The following PGAP4 variants were observed in gnomAD, a reference collection of about 807,000 sequenced individuals.
PGAP4 encodes the protein post-GPI attachment to proteins GalNAc transferase 4.
A neutral mutation model predicts 28.2 loss-of-function variants in PGAP4; 12 were observed. The ratio of observed to expected loss-of-function variants is 0.42; its 90% confidence interval spans 0.27 to 0.69. PGAP4 has a LOEUF of 0.69. Ranked by LOEUF, PGAP4 falls within the 30% of genes least tolerant of loss-of-function variation. PGAP4 has a pLI of 0.22. For missense variants in PGAP4, 425 were observed against 513.5 expected (o/e 0.83, Z 1.67); for synonymous variants, 205 against 211.8 (o/e 0.97, Z 0.28).
chr9:101,512,909 G>A lies in PGAP4; in HGVS notation c.-165+18439C>T, dbSNP rs564438460. ...GAGTGTTTCCCAGCTATTCTCTAAG[G>A]TTTCACAAATTGACTCACCTTTTTA... On this transcript the variant is annotated intron_variant, in intron 2 of 3. Coordinates refer to the PGAP4 transcript ENST00000374851. Among the ~76,000 whole-genome samples the A allele has an allele frequency of 8.7e-4, 132 of 152,122 alleles. 1 individual carries two copies. In the Middle Eastern group the frequency reaches 0.031, roughly 35 times the overall value.
chr9:101,525,699 CAAAAAAAAAA>C (rs397893277), intron 2 of PGAP4, among the ~76,000 whole-genome samples: 1 of 61,408 alleles, frequency 1.6e-5, no homozygotes, highest in South Asian at 6.0e-4. Context: ...CAGAGCGTCT[CAAAAAAAAAA>C]AAAAAAAAAA....
chr9:101,492,348 A>G (rs533098337), intron 2 of PGAP4, among the ~76,000 whole-genome samples: 1 of 152,058 alleles, frequency 6.6e-6, no homozygotes, highest in East Asian at 1.9e-4. Flanking sequence ...GCATACCACC[A>G]TGCTCAGCTA....
chr9:101,497,215 T>G (rs889466854), intron 2 of PGAP4, among the ~76,000 whole-genome samples: 3 of 151,500 alleles, frequency 2.0e-5, no homozygotes, highest in African/African-American at 2.4e-5. Context: ...AAAGTTTATT[T>G]ATAAGCATTT....
upstream of PGAP4, among the ~76,000 whole-genome samples, chr9:101,488,784 G>C (rs545115395): frequency 6.6e-6 from 1 of 152,220 alleles, no homozygotes; most frequent in East Asian, 1.9e-4. Context: ...GAAATGCTCA[G>C]TACCTACATG....
chr9:101,499,859 G>T (rs759402820), intron 2 of PGAP4, among the ~76,000 whole-genome samples: 7 of 151,926 alleles, frequency 4.6e-5, no homozygotes, highest in Non-Finnish European at 1.0e-4. Context: ...ACTTGCAGAC[G>T]CAATGTTCCT....
intron 2 of PGAP4, among the ~76,000 whole-genome samples, chr9:101,526,730 T>C (rs1285201255): frequency 6.6e-6 from 1 of 152,244 alleles, no homozygotes; most frequent in East Asian, 1.9e-4. Flanking sequence ...ATTACAGGCA[T>C]GAGCCACTGC....
At chr9:101,526,475 C>T (rs898856410) in intron 2 of PGAP4, among the ~76,000 whole-genome samples, 4 of 151,990 alleles carry the variant, frequency 2.6e-5, no homozygotes, top group Non-Finnish European at 5.9e-5. Flanking sequence ...TTTGGGATGG[C>T]GTCTGACTCT....
intron 2 of PGAP4, among the ~76,000 whole-genome samples, chr9:101,502,984 G>T (rs1826816572): frequency 6.6e-6 from 1 of 152,014 alleles, no homozygotes; most frequent in Non-Finnish European, 1.5e-5. Flanking sequence ...AAAGCATGTG[G>T]CACAAGATTG....
rs1588189947 is a variant in PGAP4 at position 101,475,675 on chromosome 9, T to C, written c.*206A>G. On this transcript the variant is annotated 3_prime_UTR_variant, in exon 2 of 2. Coordinates refer to ENST00000374848, the MANE Select transcript of PGAP4 (RefSeq NM_032342.3). ...CAGTGTGGCTGTGTGGAGGGAGAGG[T>C]CCGGACCTGTGGCAAACTGCTGCTC... is the stretch of plus-strand genomic sequence containing the variant. 1 of 599,398 alleles carries C rather than the reference T, an allele frequency of 1.7e-6. No individual in the cohort carries two copies. Among genetic ancestry groups the C allele is most frequent in the Non-Finnish European group, 2.9e-6 (1 of 341,302 alleles). The allele number at this position is 599,398 out of a possible 1,614,324, so 37.1% of individuals were successfully genotyped here.
chr9:101,531,016 C>G (rs999209583), intron 2 of PGAP4, among the ~76,000 whole-genome samples: 4 of 152,094 alleles, frequency 2.6e-5, no homozygotes, highest in Non-Finnish European at 5.9e-5. Context: ...AGAACAAAGA[C>G]TAACCTCCCC....
chr9:101,501,996 C>A (rs1826806487), intron 2 of PGAP4: 1 of 239,460 alleles, frequency 4.2e-6, no homozygotes, highest in East Asian at 9.7e-5. Flanking sequence ...AAGACACCTA[C>A]ACAGATAAAA....
rs1826612462 is a variant in PGAP4 at position 101,486,321 on chromosome 9, T to A, written c.-78+628A>T. Among the ~76,000 whole-genome samples, 1 of 152,176 alleles carries A rather than the reference T, an allele frequency of 6.6e-6. No individual in the cohort carries two copies. The highest frequency in any genetic ancestry group is 1.5e-5 in the Non-Finnish European group (1 of 68,022). ...CCGTAGGCCGAGCTGACCGTCTCCATCGCTGCGCTCCTTCCCTTCTGCTGG... is the reference window on the plus strand; with the variant it reads ...CCGTAGGCCGAGCTGACCGTCTCCAACGCTGCGCTCCTTCCCTTCTGCTGG... On this transcript the variant is annotated intron_variant, in intron 1 of 1. Coordinates refer to ENST00000374848, the MANE Select transcript of PGAP4 (RefSeq NM_032342.3). The surrounding 1 kb of genome is among the most constrained non-coding windows in gnomAD (Gnocchi z 4.7).
At chr9:101,504,643 C>T (rs1227738422) in intron 2 of PGAP4, among the ~76,000 whole-genome samples, 1 of 151,972 alleles carries the variant, frequency 6.6e-6, no homozygotes, top group African/African-American at 2.4e-5. Flanking sequence ...TGTCATAGGG[C>T]ATATGATTTT....
At chr9:101,506,457 G>A (rs561702377) in intron 2 of PGAP4, among the ~76,000 whole-genome samples, 73 of 152,146 alleles carry the variant, frequency 4.8e-4, no homozygotes, top group African/African-American at 1.5e-3. Flanking sequence ...ATTTTGCTGT[G>A]TAACACAACT....
At chr9:101,509,360 C>T (rs3903803) in intron 2 of PGAP4, among the ~76,000 whole-genome samples, 71,970 of 152,042 alleles carry the variant, frequency 0.47, 17,277 homozygotes, top group East Asian at 0.66. Context: ...TTGAACCCAG[C>T]TGTTGTTCTC....
chr9:101,489,443 T>C (rs1826666573), upstream of PGAP4, among the ~76,000 whole-genome samples: 1 of 152,158 alleles, frequency 6.6e-6, no homozygotes, highest in African/African-American at 2.4e-5. Context: ...GTGCATACCC[T>C]AGGGCTTGAT....
intron 2 of PGAP4, among the ~76,000 whole-genome samples, chr9:101,509,319 G>A (rs938754632): frequency 5.9e-5 from 9 of 152,098 alleles, no homozygotes; most frequent in African/African-American, 2.2e-4. Context: ...ATTTTAGTTT[G>A]GCTTTGAATG....
intron 1 of PGAP4, among the ~76,000 whole-genome samples, chr9:101,480,363 G>A (rs74429281): frequency 1.2e-3 from 184 of 151,574 alleles, no homozygotes; most frequent in Non-Finnish European, 2.2e-3. Flanking sequence ...TGTTGTTGTT[G>A]TTGTTTGTTT....
At position 101,510,669 on chromosome 9, in the gene PGAP4, T is replaced by C. The variant is rs554768864; in HGVS notation, c.-165+20679A>G. ...TTCCCTTTTTCAAAGAAGCTCTCCATTGACGTTTGTTTTTTACTCATTTTG... is the reference window on the plus strand; with the variant it reads ...TTCCCTTTTTCAAAGAAGCTCTCCACTGACGTTTGTTTTTTACTCATTTTG... On this transcript the variant is annotated intron_variant, in intron 2 of 3. Coordinates refer to the PGAP4 transcript ENST00000374851. Among the ~76,000 whole-genome samples the C allele has an allele frequency of 4.6e-5, 7 of 152,316 alleles. No individual in the cohort carries two copies. The South Asian group carries it at 1.4e-3, about 32-fold the overall frequency.
Sources: gnomAD v4.1 joint callset for allele counts (sites outside exome capture counted in the v4.1 genomes callset) on GRCh38, gnomAD v4.1.1 for gene constraint, Gnocchi (gnomAD v3.1) non-coding constraint, MANE v1.5 for transcripts, NCBI Gene and HGNC (gene_info 2026-07-23, HGNC 2026-07-21) for gene names.